Variants in SCAPER observed in about 807,000 individuals in gnomAD.
The protein encoded by SCAPER is S-phase cyclin A associated protein in the ER.
A neutral mutation model predicts 182.2 loss-of-function variants in SCAPER; 98 were observed. That is an observed-to-expected ratio of 0.54 (90% CI 0.46 to 0.64). The LOEUF is 0.64. SCAPER is among the 30% of genes least tolerant of loss of function. SCAPER has a pLI of 0.00. For synonymous variants in SCAPER, 605 were observed against 564.6 expected (o/e 1.07, Z -1.01); for missense variants, 1,432 against 1,690.0 (o/e 0.85, Z 2.68).
intron 1 of SCAPER, among the ~76,000 whole-genome samples, chr15:76,890,352 C>G (rs2074093857): frequency 6.6e-6 from 1 of 152,042 alleles, no homozygotes; most frequent in Non-Finnish European, 1.5e-5. Context: ...ACACAAAAAA[C>G]CCTTCAAAAA....
At position 76,434,211 on chromosome 15, in the gene SCAPER, C is replaced by T. The variant is rs199698808; in HGVS notation, c.3178G>A (p.Val1060Ile). 2.0e-4 allele frequency: 323 copies of T among 1,613,808 alleles called. No homozygotes were observed. Among genetic ancestry groups the T allele is most frequent in the Non-Finnish European group, 2.6e-4 (311 of 1,179,876 alleles). ...CGATTGGCAATCAGGCAGCCCAAAA[C>T]CACAGCACTGACTTTGAGAAGTCCA... is the stretch of plus-strand genomic sequence containing the variant. ...TTGLLKVSAV[V>I]LGCLIANRPD... The change falls in exon 26 of 32, where the codon GTT becomes ATT. Residue 1060 changes from valine (V) to isoleucine (I), a missense_variant. Transcript: ENST00000563290.
Position 76,649,809 on chromosome 15 carries a change from T to A in SCAPER, c.2645+15844A>T, listed in dbSNP as rs148178647. ...AAAAATAAAGGTTAAATAGACGTTTTCAGGCAAACAAATGCTAAGAAAACC... is the reference window on the plus strand; with the variant it reads ...AAAAATAAAGGTTAAATAGACGTTTACAGGCAAACAAATGCTAAGAAAACC... On this transcript the variant is annotated intron_variant, in intron 21 of 31. Transcript: ENST00000563290. Among the ~76,000 whole-genome samples, 23 of 152,154 alleles carry A rather than the reference T, an allele frequency of 1.5e-4. No individual in the cohort carries two copies. In the East Asian group the frequency reaches 4.1e-3, roughly 27 times the overall value.
intron 20 of SCAPER, among the ~76,000 whole-genome samples, chr15:76,689,367 A>C (rs192743659): frequency 6.6e-6 from 1 of 152,254 alleles, no homozygotes; most frequent in East Asian, 1.9e-4. Flanking sequence ...TTAAGGCAAA[A>C]ACAAAGTGTA....
chr15:76,821,687 T>C (rs139186798), intron 5 of SCAPER, among the ~76,000 whole-genome samples: 1 of 151,964 alleles, frequency 6.6e-6, no homozygotes, highest in Non-Finnish European at 1.5e-5. Flanking sequence ...TCAAAGCACT[T>C]TGGGAGGCTG....
chr15:76,899,918 G>A (rs188901211), intron 1 of SCAPER, among the ~76,000 whole-genome samples: 1 of 152,354 alleles, frequency 6.6e-6, no homozygotes, highest in Admixed American at 6.5e-5. Flanking sequence ...GAAATGTGGG[G>A]AAAAGAAAGA....
chr15:76,555,570 G>A (rs887035697), intron 23 of SCAPER, among the ~76,000 whole-genome samples: 21 of 151,998 alleles, frequency 1.4e-4, no homozygotes, highest in African/African-American at 5.1e-4. Context: ...GAAAACAGAA[G>A]AAAAAGCAGG....
At chr15:76,727,306 G>A (rs1349788636) in intron 17 of SCAPER, among the ~76,000 whole-genome samples, 1 of 152,012 alleles carries the variant, frequency 6.6e-6, no homozygotes, top group Non-Finnish European at 1.5e-5. Flanking sequence ...ATAGGGCCAG[G>A]ACAGTCCTAA....
chr15:76,714,926 T>A (rs2059806108), intron 17 of SCAPER, among the ~76,000 whole-genome samples: 2 of 151,970 alleles, frequency 1.3e-5, no homozygotes, highest in South Asian at 4.2e-4. Context: ...AAGGAGAAAT[T>A]TTATAGAATT....
At chr15:76,366,447 T>C (rs2041826563) in intron 29 of SCAPER, among the ~76,000 whole-genome samples, 1 of 152,260 alleles carries the variant, frequency 6.6e-6, no homozygotes, top group African/African-American at 2.4e-5. Flanking sequence ...TATTTAATCA[T>C]AAAAATATAA....
chr15:76,439,548 C>T (rs1349555184), intron 25 of SCAPER, among the ~76,000 whole-genome samples: 1 of 152,202 alleles, frequency 6.6e-6, no homozygotes, highest in Non-Finnish European at 1.5e-5. Flanking sequence ...GAAATATGCA[C>T]TTATGTGAGT....
chr15:76,402,294 G>A (rs184322961), intron 27 of SCAPER, among the ~76,000 whole-genome samples: 66 of 152,138 alleles, frequency 4.3e-4, no homozygotes, highest in African/African-American at 1.4e-3. Flanking sequence ...ATTTATTAAC[G>A]CCACTACTGG....
intron 29 of SCAPER, among the ~76,000 whole-genome samples, chr15:76,365,533 A>G (rs8031378): frequency 0.13 from 19,216 of 152,298 alleles, 1,740 homozygotes; most frequent in African/African-American, 0.26. Flanking sequence ...AATCAGGGAC[A>G]ATGGCAGCAA....
intron 22 of SCAPER, among the ~76,000 whole-genome samples, chr15:76,615,478 T>A (rs1208103963): frequency 5.9e-5 from 7 of 119,446 alleles, no homozygotes; most frequent in South Asian, 6.0e-4. Flanking sequence ...TATATATACA[T>A]ACACACACAC....
intron 17 of SCAPER, among the ~76,000 whole-genome samples, chr15:76,722,557 T>C (rs181299924): frequency 6.6e-6 from 1 of 152,370 alleles, no homozygotes; most frequent in African/African-American, 2.4e-5. Flanking sequence ...CGTCTGGTCC[T>C]GGACTTTCTT....
chr15:76,735,296 C>A (rs548419838), intron 15 of SCAPER, among the ~76,000 whole-genome samples: 101 of 151,832 alleles, frequency 6.7e-4, no homozygotes, highest in African/African-American at 2.3e-3. Context: ...TTGCTTGAAC[C>A]CAGGAGTTAG....
intron 25 of SCAPER, among the ~76,000 whole-genome samples, chr15:76,454,027 GCTAAGGCTATGTC>G (rs1428525708): frequency 6.6e-6 from 1 of 152,132 alleles, no homozygotes; most frequent in African/African-American, 2.4e-5. Context: ...TAGGGAAAGA[GCTAAGGCTATGTC>G]CTATTATCAC....
intron 29 of SCAPER, among the ~76,000 whole-genome samples, chr15:76,374,177 C>A (rs2141872609): frequency 6.6e-6 from 1 of 152,076 alleles, no homozygotes; most frequent in South Asian, 2.1e-4. Context: ...ATTACAAGGT[C>A]AGGAGTTTGA....
intron 2 of SCAPER, among the ~76,000 whole-genome samples, chr15:76,871,064 G>A (rs1395068821): frequency 6.6e-6 from 1 of 152,056 alleles, no homozygotes; most frequent in Non-Finnish European, 1.5e-5. Flanking sequence ...TACCTTCAAA[G>A]TGAAAAAGTA....
intron 15 of SCAPER, among the ~76,000 whole-genome samples, chr15:76,753,171 C>T (rs947528601): frequency 6.6e-6 from 1 of 151,642 alleles, no homozygotes; most frequent in Non-Finnish European, 1.5e-5. Context: ...CATGAATTGC[C>T]ACAGCAGCTA....
Sources: gnomAD v4.1 joint callset for allele counts (sites outside exome capture counted in the v4.1 genomes callset) on GRCh38, gnomAD v4.1.1 for gene constraint, MANE v1.5 for transcripts, NCBI Gene and HGNC (gene_info 2026-07-23, HGNC 2026-07-21) for gene names.